Variants in CTHRC1 observed in about 807,000 individuals in gnomAD.
CTHRC1 encodes the protein collagen triple helix repeat-containing protein 1.
In CTHRC1, 21 loss-of-function variants were observed where a neutral mutation model predicts 25.9. The ratio of observed to expected loss-of-function variants is 0.81; its 90% CI spans 0.57 to 1.17. The LOEUF (loss-of-function observed/expected upper bound fraction) is 1.17, where lower values mean the gene tolerates loss of function less well. Ranked by LOEUF, CTHRC1 falls within the 50% of genes most tolerant of loss-of-function variation. The pLI, the probability that CTHRC1 is intolerant of heterozygous loss-of-function variation, is 0.00. For missense variants in CTHRC1, 281 were observed against 304.3 expected (o/e 0.92, Z 0.57); for synonymous variants, 109 against 113.1 (o/e 0.96, Z 0.23).
Position 103,382,827 on chromosome 8 carries a change from T to C in CTHRC1, c.*227T>C. The C allele has an allele frequency of 2.0e-6, 1 of 497,690 alleles. No homozygotes were observed. Among genetic ancestry groups the C allele is most frequent in the Non-Finnish European group, 3.6e-6 (1 of 275,378 alleles). 30.8% of individuals were successfully genotyped at this position (497,690 alleles called of 1,614,324 possible). On this transcript the variant is annotated 3_prime_UTR_variant, in exon 4 of 4. Transcript: ENST00000330295. ...TTAGTTGGTTAGAATACTTTCTTCA[T>C]AGTCACATTCTCTCAACCTATAATT...
chr8:103,374,334 CTTTGT>C (rs1019858727), intron 1 of CTHRC1, among the ~76,000 whole-genome samples: 3 of 152,232 alleles, frequency 2.0e-5, no homozygotes, highest in African/African-American at 7.2e-5. Flanking sequence ...ATCTAAGAAA[CTTTGT>C]TTTTTGTTTT....
At chr8:103,379,794 G>A (rs2917548) in intron 3 of CTHRC1, among the ~76,000 whole-genome samples, 142,230 of 152,252 alleles carry the variant, frequency 0.93, 66,474 homozygotes, top group East Asian at 0.99. Context: ...TCCAAGTCAG[G>A]TACTGAACCC....
intron 3 of CTHRC1, 103 bp downstream of exon 3, chr8:103,378,346 C>A: frequency 1.1e-6 from 1 of 913,796 alleles, no homozygotes; most frequent in Non-Finnish European, 1.7e-6. Context: ...AAAGGGACCT[C>A]TAGCAAGTTT....
chr8:103,371,767 G>A lies in CTHRC1; in HGVS notation c.111G>A (p.Lys37=). Reference sequence around the variant, plus strand: ...GCGCCTCTGAGATCCCCAAGGGGAAGCAAAAGGCGCAGCTCCGGCAGAGGG... The same window carrying A: ...GCGCCTCTGAGATCCCCAAGGGGAAACAAAAGGCGCAGCTCCGGCAGAGGG... ...PSSASEIPKG[K]QKAQLRQREV... Residue 37 remains lysine, a synonymous_variant, in exon 1 of 4, where the codon AAG becomes AAA. Transcript: ENST00000330295. 6.5e-7 allele frequency: 1 copy of A among 1,534,784 alleles called. No homozygotes were observed. The highest frequency in any genetic ancestry group is 8.8e-7 in the Non-Finnish European group (1 of 1,140,636).
chr8:103,377,359 C>G (rs1036624939), intron 2 of CTHRC1: 2 of 154,026 alleles, frequency 1.3e-5, no homozygotes, highest in African/African-American at 4.8e-5. Context: ...TCTATCTGTA[C>G]CATTTAGCAC....
rs775098206 is a variant in CTHRC1, at chr8:103,375,797, G to A, written c.210G>A (p.Gly70=). The A allele has an allele frequency of 1.9e-6, 3 of 1,614,066 alleles. No individual in the cohort carries two copies. The highest frequency in any genetic ancestry group is 1.7e-5 in the Admixed American group (1 of 60,016). Residue 70 remains glycine, a synonymous_variant, in exon 2 of 4, where the codon GGG becomes GGA. Transcript: ENST00000330295. The part of the protein sequence containing the change: ...AGVPGRDGSP[G]ANGIPGTPGI... ...TGCCTGGTCGAGACGGGAGCCCTGGGGCCAATGGCATTCCGGGTACACCTG... is the reference window on the plus strand; with the variant it reads ...TGCCTGGTCGAGACGGGAGCCCTGGAGCCAATGGCATTCCGGGTACACCTG...
At chr8:103,377,928 T>G in intron 2 of CTHRC1, 99 bp from the exon 3 acceptor site, 1 of 1,043,062 alleles carries the variant, frequency 9.6e-7, no homozygotes, top group South Asian at 1.3e-5. Flanking sequence ...AAATACATTT[T>G]GGGGAAAAGG....
In CTHRC1 at chr8:103,376,060, TAAAA is replaced by T. The variant is rs72124849; in HGVS notation, c.372+104_372+107del. ...TTTATTTTTTTTTAACTAAAAGACT[TAAAA>T]AAGAGAAGTAGGTAGCATGTGACTT... On this transcript the variant is annotated intron_variant, in intron 2 of 3. Coordinates refer to ENST00000330295, the MANE Select transcript of CTHRC1 (RefSeq NM_138455.4). 1.1e-4 allele frequency: 102 copies of T among 909,188 alleles called. 2 individuals carry two copies. The East Asian group carries it at 2.5e-3, about 23-fold the overall frequency. 56.3% of individuals were successfully genotyped at this position (909,188 alleles called of 1,614,324 possible).
At position 103,371,592 on chromosome 8, in the gene CTHRC1, C is replaced by T. The variant is rs891139506; in HGVS notation, c.-65C>T. 2.0e-6 allele frequency: 3 copies of T among 1,506,914 alleles called. No homozygotes were observed. The highest frequency in any genetic ancestry group is 1.2e-5 in the South Asian group (1 of 80,828). The allele number at this position is 1,506,914 out of a possible 1,614,324, so 93.3% of individuals were successfully genotyped here. ...CCTCGGAGCGCGGCGGAGCCAGACG[C>T]TGACCACGTTCCTCTCCTCGGTCTC... is the stretch of plus-strand genomic sequence containing the variant. On this transcript the variant is annotated 5_prime_UTR_variant, in exon 1 of 4. Transcript: ENST00000330295.
intron 3 of CTHRC1, among the ~76,000 whole-genome samples, chr8:103,381,927 A>G (rs1405204432): frequency 6.6e-6 from 1 of 151,838 alleles, no homozygotes; most frequent in African/African-American, 2.4e-5. Flanking sequence ...GAACGTGGGA[A>G]GCGGAGGTTG....
intron 3 of CTHRC1, among the ~76,000 whole-genome samples, chr8:103,379,045 C>T (rs1475672469): frequency 6.6e-6 from 1 of 151,944 alleles, no homozygotes; most frequent in Non-Finnish European, 1.5e-5. Flanking sequence ...AAATTTAGAA[C>T]CACTGGCTCA....
At chr8:103,377,199 T>C (rs1194876594) in intron 2 of CTHRC1, 1 of 152,180 alleles carries the variant, frequency 6.6e-6, no homozygotes, top group Non-Finnish European at 1.5e-5. Flanking sequence ...TTGCATCATA[T>C]AGATAAAGAC....
rs1181160845 is a variant in CTHRC1, at chr8:103,375,859, G to C, written c.272G>C (p.Gly91Ala). ...PGRDGFKGEK[G>A]ECLRESFEES... ...CGGGATGGATTCAAAGGAGAAAAGG[G>C]GGAATGTCTGAGGGAAAGCTTTGAG... Residue 91 changes from glycine (G) to alanine (A), a missense_variant, in exon 2 of 4, where the codon GGG becomes GCG. Transcript: ENST00000330295. 1 of 1,614,156 alleles carries C rather than the reference G, an allele frequency of 6.2e-7. No individual in the cohort carries two copies. Among genetic ancestry groups the C allele is most frequent in the Admixed American group, 1.7e-5 (1 of 60,022 alleles).
chr8:103,372,050 T>C (rs1815713908), intron 1 of CTHRC1, among the ~76,000 whole-genome samples: 1 of 152,018 alleles, frequency 6.6e-6, no homozygotes, highest in Non-Finnish European at 1.5e-5. Flanking sequence ...GGAGCGGACA[T>C]GCGATATGGG....
At chr8:103,374,076 C>A (rs1286676525) in intron 1 of CTHRC1, among the ~76,000 whole-genome samples, 2 of 151,712 alleles carry the variant, frequency 1.3e-5, no homozygotes, top group Non-Finnish European at 2.9e-5. Context: ...TTTTTCTTTT[C>A]TTTTTTTTAA....
intron 3 of CTHRC1, 121 bp from the exon 4 acceptor site, chr8:103,382,333 TAAAA>T (rs1815927834): frequency 8.7e-6 from 8 of 921,378 alleles, no homozygotes; most frequent in Admixed American, 8.5e-5. Context: ...TATCAAGTAT[TAAAA>T]TTTTTAAGTA....
At chr8:103,373,039 A>C (rs917528977) in intron 1 of CTHRC1, among the ~76,000 whole-genome samples, 4 of 152,218 alleles carry the variant, frequency 2.6e-5, no homozygotes, top group Admixed American at 6.5e-5. Flanking sequence ...GTGTTCAGGC[A>C]ACAGTTCTAT....
chr8:103,378,977 CAG>C (rs1221736710), intron 3 of CTHRC1, among the ~76,000 whole-genome samples: 5 of 147,262 alleles, frequency 3.4e-5, no homozygotes, highest in Admixed American at 7.0e-5. Flanking sequence ...TGAGTGATGA[CAG>C]AGTGAGATGC....
In CTHRC1 at chr8:103,382,611, T is replaced by A; in HGVS notation, c.*11T>A. 1 of 1,605,418 alleles carries A rather than the reference T, an allele frequency of 6.2e-7. No homozygotes were observed. Among genetic ancestry groups the A allele is most frequent in the East Asian group, 2.2e-5 (1 of 44,712 alleles). ...GAACTACCAAAATAAATGCTTTAAT[T>A]TTCATTTGCTACCTCTTTTTTTATT... On this transcript the variant is annotated 3_prime_UTR_variant, in exon 4 of 4. Transcript: ENST00000330295.
Sources: gnomAD v4.1 joint callset for allele counts (sites outside exome capture counted in the v4.1 genomes callset) on GRCh38, gnomAD v4.1.1 for gene constraint, MANE v1.5 for transcripts, NCBI Gene and HGNC (gene_info 2026-07-23, HGNC 2026-07-21) for gene names.